The following KIFC3 variants were observed in gnomAD, a reference collection of about 807,000 sequenced individuals.
The protein encoded by KIFC3 is kinesin family member C3.
A neutral mutation model predicts 101.8 loss-of-function variants in KIFC3; 60 were observed. The ratio of observed to expected loss-of-function variants is 0.59; its 90% CI spans 0.48 to 0.73. KIFC3 has a LOEUF of 0.73. KIFC3 is among the 30% of genes least tolerant of loss of function. KIFC3 has a pLI of 0.00. For synonymous variants in KIFC3, 476 were observed against 482.7 expected, an observed-to-expected ratio of 0.99 and a Z score of 0.18; for missense variants, 966 against 1,137.1, an observed-to-expected ratio of 0.85 and a Z score of 2.16.
chr16:57,846,509 C>G (rs1288087339), intron 1 of KIFC3: 2 of 152,268 alleles, frequency 1.3e-5, no homozygotes, highest in Non-Finnish European at 2.9e-5. Context: ...ACCCAGCCAC[C>G]TGGGCGGAGA....
chr16:57,801,685 T>C (rs1251980619), intron 1 of KIFC3, among the ~76,000 whole-genome samples: 5 of 152,200 alleles, frequency 3.3e-5, no homozygotes, highest in African/African-American at 1.2e-4. Context: ...TGGGTGGCAG[T>C]AAATGGTACT....
upstream of KIFC3, chr16:57,802,504 C>G (rs1428836532): frequency 4.1e-6 from 4 of 983,902 alleles, no homozygotes; most frequent in Non-Finnish European, 4.8e-6. This position sits in a 1 kb window ranked among gnomAD's most constrained non-coding sequence, Gnocchi z 5.0. Context: ...CGCACACTTT[C>G]CACAGGAAAT....
In KIFC3 at chr16:57,798,246, C is replaced by A; in HGVS notation, c.-3G>T. The A allele has an allele frequency of 1.3e-6, 2 of 1,552,172 alleles. No individual in the cohort carries two copies. Among genetic ancestry groups the A allele is most frequent in the East Asian group, 2.4e-5 (1 of 41,586 alleles). On this transcript the variant is annotated 5_prime_UTR_variant, in exon 2 of 20. Transcript: ENST00000445690. ...CACGTCCTGCGAGAGGGGACCATGG[C>A]CTGGGGCTCAGCAGCCTCCTCGGGG...
chr16:57,798,334 T>A (rs1383745345), intron 1 of KIFC3, 52 bp from the exon 2 acceptor site: 12 of 1,483,198 alleles, frequency 8.1e-6, no homozygotes, highest in Non-Finnish European at 1.1e-5. Flanking sequence ...CCAGCACAAC[T>A]GCACCTCGGG....
chr16:57,808,250 A>G (rs2054987209), upstream of KIFC3, among the ~76,000 whole-genome samples: 1 of 152,126 alleles, frequency 6.6e-6, no homozygotes, highest in Non-Finnish European at 1.5e-5. Flanking sequence ...GAGATAATGG[A>G]CGTAAGCACC....
Position 57,813,568 on chromosome 16 carries a change from C to G in KIFC3, c.109-15286G>C, listed in dbSNP as rs189548315. On this transcript the variant is annotated intron_variant, in intron 1 of 2. Coordinates refer to the KIFC3 transcript ENST00000563028. ...TGTCTTAAGTGAACAAATGGAGACT[C>G]TAACCACCTTCTGAGAATCCCAGCC... 4.0e-5 allele frequency: 21 copies of G among 521,782 alleles called. No individual in the cohort carries two copies. The East Asian group carries it at 2.8e-3, about 70-fold the overall frequency. The allele number at this position is 521,782 out of a possible 1,614,324, so 32.3% of individuals were successfully genotyped here. A position where few individuals can be genotyped will look rare whatever the true frequency, so the allele number is the denominator to read the frequency against.
At chr16:57,820,473 CTG>C (rs1227063943) in intron 1 of KIFC3, among the ~76,000 whole-genome samples, 1 of 151,866 alleles carries the variant, frequency 6.6e-6, no homozygotes, top group Non-Finnish European at 1.5e-5. Flanking sequence ...TGAGGCCTCA[CTG>C]TGTTTTGTTG....
At chr16:57,857,785 C>CTTTTT (rs1174564433) in intron 1 of KIFC3, among the ~76,000 whole-genome samples, 1 of 117,182 alleles carries the variant, frequency 8.5e-6, no homozygotes, top group Admixed American at 8.5e-5. Flanking sequence ...TTTTCTTTTT[C>CTTTTT]TTTTTTTTTT....
intron 2 of KIFC3, among the ~76,000 whole-genome samples, chr16:57,796,556 C>A (rs968108862): frequency 6.6e-6 from 1 of 152,248 alleles, no homozygotes; most frequent in Non-Finnish European, 1.5e-5. Flanking sequence ...GGGCCTGGGG[C>A]AGCTGAGCTG....
intron 17 of KIFC3, 72 bp from the exon 18 acceptor site, chr16:57,759,908 T>A: frequency 8.5e-7 from 1 of 1,179,456 alleles, no homozygotes; most frequent in Non-Finnish European, 1.2e-6. Context: ...TGCTTCTCTC[T>A]ACTCCCCTGC....
At chr16:57,811,623 C>A (rs1271786889) in intron 1 of KIFC3, among the ~76,000 whole-genome samples, 1 of 152,014 alleles carries the variant, frequency 6.6e-6, no homozygotes, top group Non-Finnish European at 1.5e-5. Context: ...CTTAGAAGGC[C>A]TGAGGCGTGG....
chr16:57,824,404 T>C (rs1322166217), intron 1 of KIFC3, among the ~76,000 whole-genome samples: 1 of 152,144 alleles, frequency 6.6e-6, no homozygotes, highest in Non-Finnish European at 1.5e-5. Context: ...CAAGTAGGGC[T>C]GGGTGCAGTG....
chr16:57,784,184 T>C (rs989563928), intron 3 of KIFC3, among the ~76,000 whole-genome samples: 2 of 152,192 alleles, frequency 1.3e-5, no homozygotes, highest in African/African-American at 4.8e-5. Flanking sequence ...CGTGCCCAGC[T>C]CAGTGCCAGT....
chr16:57,761,078 G>A lies in KIFC3; in HGVS notation c.1966C>T (p.Arg656Ter), dbSNP rs782402093. ...AGGCCTGTGCTGCAGTCCACGCCTC[G>A]CACCGTCACGATGAGCAGCGCGTGC... ...RSHALLIVTV[R>*]GVDCSTGLRT... Residue 656 changes from arginine to a stop codon, truncating the protein, a stop_gained, in exon 15 of 20, where the codon CGA becomes TGA. Transcript: ENST00000445690. LOFTEE classifies it high-confidence loss of function. 19 of 1,613,126 alleles carry A rather than the reference G, an allele frequency of 1.2e-5. No individual in the cohort carries two copies. The highest frequency in any genetic ancestry group is 1.6e-5 in the Non-Finnish European group (19 of 1,179,754).
chr16:57,786,909 C>T (rs1235318638), intron 3 of KIFC3, among the ~76,000 whole-genome samples: 2 of 152,332 alleles, frequency 1.3e-5, no homozygotes, highest in East Asian at 3.9e-4. Context: ...GCCCCCCCAA[C>T]CCGCTCTAGG....
chr16:57,805,184 C>T (rs1048659680), upstream of KIFC3, among the ~76,000 whole-genome samples: 12 of 151,904 alleles, frequency 7.9e-5, no homozygotes, highest in African/African-American at 2.7e-4. Context: ...AGCTCTGTCG[C>T]CCTGGTTGGT....
chr16:57,771,616 C>G lies in KIFC3; in HGVS notation c.452G>C (p.Arg151Pro), dbSNP rs782436506. 4 of 1,613,220 alleles carry G rather than the reference C, an allele frequency of 2.5e-6. No homozygotes were observed. Among genetic ancestry groups the G allele is most frequent in the African/African-American group, 2.7e-5 (2 of 74,950 alleles). The change falls in exon 5 of 20, where the codon CGG (arginine) becomes CCG (proline). Residue 151 changes from arginine to proline, a missense_variant. Arg to Pro is a moderately radical substitution (Grantham distance 103, BLOSUM62 -2). Around this residue, in one of 2 missense-constraint regions of KIFC3, gnomAD observed 277 missense variants for 252.5 expected, o/e 1.10. Transcript: ENST00000445690. ...CTCTTGCAGCTCGGCCTCACAGCGC[C>G]GCATCTCCTGCCTCAGTCGCTCATT... is the stretch of plus-strand genomic sequence containing the variant. Reference protein sequence around the residue: ...VENERLRQEMRRCEAELQELR... With the variant: ...VENERLRQEMPRCEAELQELR...
intron 2 of KIFC3, among the ~76,000 whole-genome samples, chr16:57,796,569 T>G (rs2054338430): frequency 6.6e-6 from 1 of 152,242 alleles, no homozygotes; most frequent in Non-Finnish European, 1.5e-5. Context: ...CTGAGCTGGC[T>G]GAGGCCCAGT....
chr16:57,760,257 G>A (rs1555594750), intron 17 of KIFC3, 25 bp downstream of exon 17: 3 of 1,599,654 alleles, frequency 1.9e-6, no homozygotes, highest in Non-Finnish European at 2.6e-6. Context: ...GGCCACCTGA[G>A]CCAGGCCTGT....
Sources: gnomAD v4.1 joint callset for allele counts (sites outside exome capture counted in the v4.1 genomes callset) on GRCh38, gnomAD v4.1.1 for gene constraint, gnomAD v4.1.1 regional missense constraint, Gnocchi (gnomAD v3.1) non-coding constraint, MANE v1.5 for transcripts, NCBI Gene and HGNC (gene_info 2026-07-23, HGNC 2026-07-21) for gene names.